SOBP: variants seen among roughly 807,000 people sequenced by gnomAD.
SOBP encodes the protein sine oculis-binding protein homolog.
In SOBP, 4 loss-of-function variants were observed where a neutral mutation model predicts 53.6. The ratio of observed to expected loss-of-function variants is 0.07; its 90% CI spans 0.04 to 0.17. The LOEUF (loss-of-function observed/expected upper bound fraction) is 0.17. Among genes scored for constraint, SOBP ranks in the 10% least tolerant of loss-of-function variants. The pLI, the probability that SOBP is intolerant of heterozygous loss-of-function variation, is 1.00. For synonymous variants in SOBP, 584 were observed against 522.6 expected (o/e 1.12, Z -1.60); for missense variants, 1,088 against 1,204.7 (o/e 0.90, Z 1.43).
intron 6 of SOBP, among the ~76,000 whole-genome samples, chr6:107,645,627 G>C (rs931391854): frequency 1.3e-5 from 2 of 152,196 alleles, no homozygotes; most frequent in Admixed American, 1.3e-4. Context: ...GCAGGGACCG[G>C]GTCCAGTTCA....
intron 4 of SOBP, among the ~76,000 whole-genome samples, chr6:107,552,670 G>A (rs539981355): frequency 1.3e-5 from 2 of 152,272 alleles, no homozygotes; most frequent in East Asian, 1.9e-4. Flanking sequence ...ACCATGGCAC[G>A]AGGCACATCC....
chr6:107,555,511 G>C (rs923396869), intron 4 of SOBP, among the ~76,000 whole-genome samples: 3 of 152,234 alleles, frequency 2.0e-5, no homozygotes, highest in African/African-American at 7.2e-5. Flanking sequence ...GGCAGTGCCT[G>C]TTTCCAGAGG....
At chr6:107,587,004 T>C (rs1296109026) in intron 4 of SOBP, 76 bp from the exon 5 acceptor site, 11 of 1,072,758 alleles carry the variant, frequency 1.0e-5, no homozygotes, top group Admixed American at 1.0e-4. Context: ...TTGAATGATC[T>C]GAGCTGTTAT....
chr6:107,609,158 C>T (rs773788387), intron 5 of SOBP, among the ~76,000 whole-genome samples: 5 of 152,218 alleles, frequency 3.3e-5, no homozygotes. Flanking sequence ...CACATGCCCA[C>T]ACTGTGTACT....
At chr6:107,655,487 G>A (rs1463322704) in intron 6 of SOBP, among the ~76,000 whole-genome samples, 1 of 152,162 alleles carries the variant, frequency 6.6e-6, no homozygotes, top group Non-Finnish European at 1.5e-5. Context: ...CAGCAAGTAT[G>A]TGGTGAGAGG....
intron 3 of SOBP, chr6:107,514,142 T>A (rs1783249988): frequency 6.6e-6 from 1 of 152,450 alleles, no homozygotes. Flanking sequence ...TTCCTTACAT[T>A]GTGCTAGACA....
chr6:107,547,128 G>A (rs1034619444), intron 4 of SOBP, among the ~76,000 whole-genome samples: 9 of 152,028 alleles, frequency 5.9e-5, no homozygotes, highest in African/African-American at 1.5e-4. Flanking sequence ...ATTACCCTCC[G>A]CCCAAAAAGA....
intron 5 of SOBP, among the ~76,000 whole-genome samples, chr6:107,627,766 A>G (rs1246967546): frequency 1.3e-5 from 2 of 152,266 alleles, no homozygotes; most frequent in African/African-American, 4.8e-5. Context: ...TTTTTATTGT[A>G]TAAGAGCCCT....
chr6:107,500,810 C>T (rs1420898006), intron 1 of SOBP, among the ~76,000 whole-genome samples: 7 of 152,290 alleles, frequency 4.6e-5, no homozygotes, highest in East Asian at 1.9e-4. Context: ...CAGGTCTGAG[C>T]CACCACACCC....
chr6:107,561,150 TG>T (rs1364165278), intron 4 of SOBP, among the ~76,000 whole-genome samples: 1 of 152,170 alleles, frequency 6.6e-6, no homozygotes, highest in Non-Finnish European at 1.5e-5. Flanking sequence ...ATCAAAGTCT[TG>T]GGAGTATCTG....
chr6:107,652,435 C>T lies in SOBP; in HGVS notation c.*4-5772C>T, dbSNP rs1044424401. Among the ~76,000 whole-genome samples the T allele has an allele frequency of 1.2e-4, 19 of 152,272 alleles. No individual in the cohort carries two copies. The East Asian group carries it at 3.5e-3, about 28-fold the overall frequency. On this transcript the variant is annotated intron_variant, in intron 6 of 6. Transcript: ENST00000317357. ...ATGTGGCTGAATTGCTGCAATCTCA[C>T]GATCAAACTTGAACAGATGAGGAGT...
chr6:107,609,311 C>T (rs1271386948), intron 5 of SOBP, among the ~76,000 whole-genome samples: 1 of 152,058 alleles, frequency 6.6e-6, no homozygotes, highest in Non-Finnish European at 1.5e-5. Context: ...ATCTTTGCAC[C>T]CCCTGGGGTA....
intron 5 of SOBP, among the ~76,000 whole-genome samples, chr6:107,617,474 A>G (rs1487584189): frequency 6.6e-6 from 1 of 152,238 alleles, no homozygotes; most frequent in Non-Finnish European, 1.5e-5. Context: ...GTTGGTGATC[A>G]TCAAAGATGT....
In SOBP at chr6:107,634,807, G is replaced by A; in HGVS notation, c.1963G>A (p.Asp655Asn). The change falls in exon 6 of 7, where the codon GAC (aspartate) becomes AAC (asparagine). Residue 655 changes from aspartate to asparagine, a missense_variant. Physicochemically the swap from Asp to Asn is conservative, Grantham distance 23. Around this residue, in one of 6 missense-constraint regions of SOBP, gnomAD observed 665 missense variants for 629.7 expected, o/e 1.06. Coordinates refer to ENST00000317357, the MANE Select transcript of SOBP (RefSeq NM_018013.4). The surrounding 1 kb of genome is among the most constrained non-coding windows in gnomAD (Gnocchi z 4.5). The stretch of plus-strand genomic sequence containing the variant: ...GCAGGGCCCGCAGGACGGCGTCATC[G>A]ACCTGACCGTGGGCCACCGAGCCCG... ...VLQGPQDGVI[D>N]LTVGHRARLH... The A allele has an allele frequency of 7.1e-7, 1 of 1,405,982 alleles. No individual in the cohort carries two copies. Among genetic ancestry groups the A allele is most frequent in the South Asian group, 1.4e-5 (1 of 70,022 alleles). The allele number at this position is 1,405,982 out of a possible 1,614,324, so 87.1% of individuals were successfully genotyped here. A position where few individuals can be genotyped will look rare whatever the true frequency, so the allele number is the denominator to read the frequency against.
At chr6:107,626,920 G>T (rs1305325159) in intron 5 of SOBP, among the ~76,000 whole-genome samples, 1 of 152,188 alleles carries the variant, frequency 6.6e-6, no homozygotes, top group Non-Finnish European at 1.5e-5. Flanking sequence ...GGTTGGAGGA[G>T]AGGATGAGAT....
chr6:107,578,549 G>A (rs1232321378), intron 4 of SOBP, among the ~76,000 whole-genome samples: 1 of 152,104 alleles, frequency 6.6e-6, no homozygotes, highest in African/African-American at 2.4e-5. Context: ...ATGTCTCTGT[G>A]CCCCAGCTTC....
At position 107,633,716 on chromosome 6, in the gene SOBP, G is replaced by C. The variant is rs746245238; in HGVS notation, c.872G>C (p.Gly291Ala). ...PPMENKAEGT[G>A]VQLLTPDSWN... ...ATGGAAAATAAAGCAGAAGGCACCG[G>C]GGTGCAGCTGCTCACTCCAGACTCT... Residue 291 changes from glycine to alanine, a missense_variant, in exon 6 of 7, where the codon GGG (glycine) becomes GCG (alanine). Gly to Ala is a moderately conservative substitution (Grantham distance 60). Transcript: ENST00000317357. The C allele has an allele frequency of 1.9e-6, 3 of 1,614,216 alleles. No individual in the cohort carries two copies. In the Admixed American group the frequency reaches 5.0e-5, roughly 27 times the overall value.
In SOBP at chr6:107,490,727, CG is replaced by C; in HGVS notation, c.96+20del. 6.4e-7 allele frequency: 1 copy of C among 1,565,344 alleles called. No homozygotes were observed. ...AGGAGATGAAGGTATTTTTTGATCT[CG>C]GGGGCCAGGGAGACTGAGCTCTTTC... On this transcript the variant is annotated intron_variant, in intron 1 of 6. Transcript: ENST00000317357.
intron 6 of SOBP, chr6:107,636,352 A>G (rs977097326): frequency 3.3e-5 from 5 of 152,280 alleles, no homozygotes; most frequent in African/African-American, 9.7e-5. Context: ...AAATTTTTCA[A>G]TATTGGGAAG....
Sources: allele counts gnomAD v4.1 joint callset (sites outside exome capture counted in the v4.1 genomes callset), GRCh38; gene constraint gnomAD v4.1.1; regional missense constraint gnomAD v4.1.1; non-coding constraint Gnocchi (gnomAD v3.1); transcripts MANE v1.5; gene names NCBI Gene and HGNC (gene_info 2026-07-23, HGNC 2026-07-21).